PDE4D: variants seen among roughly 807,000 people sequenced by gnomAD.
PDE4D encodes the protein 3',5'-cyclic-AMP phosphodiesterase 4D.
Under a neutral mutation model 87.4 loss-of-function variants are expected in PDE4D, and 24 were observed. The ratio of observed to expected loss-of-function variants is 0.27; its 90% CI spans 0.20 to 0.39. PDE4D has a LOEUF of 0.39. PDE4D is among the 10% of genes least tolerant of loss of function. The pLI, the probability that PDE4D is intolerant of heterozygous loss-of-function variation, is 1.00. For synonymous variants in PDE4D, 384 were observed against 383.2 expected (o/e 1.00, Z -0.02); for missense variants, 714 against 1,041.0 (o/e 0.69, Z 4.32).
At chr5:60,482,316 T>TAA (rs767207563) in intron 1 of PDE4D, among the ~76,000 whole-genome samples, 28 of 149,866 alleles carry the variant, frequency 1.9e-4, no homozygotes, top group Non-Finnish European at 2.8e-4. Context: ...TCCAGAACTG[T>TAA]AAAAAAAAAA....
chr5:59,091,502 C>G (rs1768731167), intron 5 of PDE4D, among the ~76,000 whole-genome samples: 1 of 151,988 alleles, frequency 6.6e-6, no homozygotes, highest in Non-Finnish European at 1.5e-5. Flanking sequence ...ATGAATTTTA[C>G]AACTATAATA....
intron 2 of PDE4D, among the ~76,000 whole-genome samples, chr5:60,062,507 C>T (rs1582453185): frequency 1.3e-5 from 2 of 152,112 alleles, no homozygotes; most frequent in African/African-American, 4.8e-5. Context: ...GACAGTGTGG[C>T]AACTCCTCAA....
chr5:59,958,765 C>T (rs1025048766), intron 3 of PDE4D, among the ~76,000 whole-genome samples: 1 of 152,092 alleles, frequency 6.6e-6, no homozygotes, highest in African/African-American at 2.4e-5. Flanking sequence ...TGGAAACATT[C>T]CCCTTAAGAA....
intron 5 of PDE4D, among the ~76,000 whole-genome samples, chr5:59,072,835 T>A (rs1342152294): frequency 6.6e-6 from 1 of 152,206 alleles, no homozygotes; most frequent in Non-Finnish European, 1.5e-5. Flanking sequence ...CTTATTTGCA[T>A]AAGCTCTTTC....
chr5:60,439,501 G>C (rs615429), intron 1 of PDE4D, among the ~76,000 whole-genome samples: 17,083 of 152,026 alleles, frequency 0.11, 1,475 homozygotes, highest in East Asian at 0.43. Flanking sequence ...TCAGAGTTTT[G>C]TATTGTCAGG....
Position 58,980,750 on chromosome 5 carries a change from TTC to T in PDE4D, c.1553-3407_1553-3406del, listed in dbSNP as rs141540003. Among the ~76,000 whole-genome samples the T allele has an allele frequency of 2.6e-5, 4 of 152,264 alleles. No homozygotes were observed. In the South Asian group the frequency reaches 6.2e-4, roughly 24 times the overall value. ...CATGTACTTCATCTGTGCTAATCTT[TTC>T]TCTCTCTGTATTAATCATGGTTCTC... On this transcript the variant is annotated intron_variant, in intron 11 of 14. Transcript: ENST00000340635.
intron 6 of PDE4D, among the ~76,000 whole-genome samples, chr5:59,020,651 T>C (rs1754977463): frequency 6.6e-6 from 1 of 151,374 alleles, no homozygotes; most frequent in South Asian, 2.1e-4. Flanking sequence ...AATCTCTTTC[T>C]AAGGGCTTCT....
chr5:59,746,869 C>A (rs1373520425), intron 1 of PDE4D, among the ~76,000 whole-genome samples: 1 of 152,084 alleles, frequency 6.6e-6, no homozygotes, highest in African/African-American at 2.4e-5. Flanking sequence ...TTCTTCTCTG[C>A]TGCTTCCAGA....
rs190939817 is a variant in PDE4D, at chr5:60,293,129, C to A, written c.-89-107442G>T. Among the ~76,000 whole-genome samples the A allele has an allele frequency of 5.0e-3, 754 of 151,922 alleles. 8 individuals carry two copies. Among genetic ancestry groups the A allele is most frequent in the African/African-American group, 0.017 (721 of 41,416 alleles). ...TCAAGCAATCCTCCTGCCTCAACCT[C>A]CCCTTATCAGAAAAAAAAATTGATG... On this transcript the variant is annotated intron_variant, in intron 1 of 16. Transcript: ENST00000502484.
At chr5:60,223,637 A>G (rs1166540752) in intron 1 of PDE4D, among the ~76,000 whole-genome samples, 1 of 151,998 alleles carries the variant, frequency 6.6e-6, no homozygotes, top group Non-Finnish European at 1.5e-5. Context: ...CAACCGAAAA[A>G]CCATTCCCAC....
chr5:60,516,048 G>T (rs1477747258), intron 1 of PDE4D, among the ~76,000 whole-genome samples: 1 of 152,146 alleles, frequency 6.6e-6, no homozygotes, highest in East Asian at 1.9e-4. Flanking sequence ...ACCTACCACT[G>T]CCAGGTATTT....
intron 3 of PDE4D, among the ~76,000 whole-genome samples, chr5:59,936,427 A>G (rs1756587443): frequency 6.6e-6 from 1 of 152,206 alleles, no homozygotes; most frequent in Non-Finnish European, 1.5e-5. Context: ...CTGAATTTTA[A>G]TGTGATCCTC....
intron 5 of PDE4D, among the ~76,000 whole-genome samples, chr5:59,157,588 T>C (rs1780441242): frequency 6.6e-6 from 1 of 152,240 alleles, no homozygotes. Flanking sequence ...GTATAATTGT[T>C]ATTATTACCA....
chr5:59,775,218 A>G (rs777386826), intron 1 of PDE4D, among the ~76,000 whole-genome samples: 2 of 152,194 alleles, frequency 1.3e-5, no homozygotes, highest in Non-Finnish European at 2.9e-5. Flanking sequence ...AATGTTTAAC[A>G]TATTATAATA....
At chr5:59,452,125 A>G (rs1799258568) in intron 1 of PDE4D, among the ~76,000 whole-genome samples, 1 of 151,970 alleles carries the variant, frequency 6.6e-6, no homozygotes, top group Non-Finnish European at 1.5e-5. Context: ...GCCCAAGACA[A>G]TTCTTCCATT....
chr5:59,921,075 T>C (rs1475902390), intron 3 of PDE4D, among the ~76,000 whole-genome samples: 2 of 152,196 alleles, frequency 1.3e-5, no homozygotes, highest in Non-Finnish European at 2.9e-5. Context: ...GGGTGTATAA[T>C]GCTAAGAATA....
At chr5:59,849,920 C>A (rs1744422382) in intron 1 of PDE4D, among the ~76,000 whole-genome samples, 1 of 151,860 alleles carries the variant, frequency 6.6e-6, no homozygotes, top group African/African-American at 2.4e-5. Flanking sequence ...TGTCTGGGTA[C>A]TATACATATG....
At chr5:60,039,199 A>T (rs1768166175) in intron 2 of PDE4D, among the ~76,000 whole-genome samples, 1 of 152,196 alleles carries the variant, frequency 6.6e-6, no homozygotes, top group South Asian at 2.1e-4. Context: ...AATGTCCAAG[A>T]ATGATAGACT....
chr5:60,260,081 C>G (rs1033716021), intron 1 of PDE4D, among the ~76,000 whole-genome samples: 2 of 151,740 alleles, frequency 1.3e-5, no homozygotes, highest in Non-Finnish European at 2.9e-5. Context: ...GCAAAGAAAT[C>G]TATTTAGGTT....
Sources: gnomAD v4.1 joint callset for allele counts (sites outside exome capture counted in the v4.1 genomes callset) on GRCh38, gnomAD v4.1.1 for gene constraint, MANE v1.5 for transcripts, NCBI Gene and HGNC (gene_info 2026-07-23, HGNC 2026-07-21) for gene names.